PRR16: variants seen among roughly 807,000 people sequenced by gnomAD.
PRR16 encodes proline rich 16.
A neutral mutation model predicts 18.2 loss-of-function variants in PRR16; 6 were observed. That is an observed-to-expected ratio of 0.33 (90% CI 0.18 to 0.65). The LOEUF (loss-of-function observed/expected upper bound fraction) is 0.65, where lower values mean the gene tolerates loss of function less well. Ranked by LOEUF, PRR16 falls within the 30% of genes least tolerant of loss-of-function variation. PRR16 has a pLI of 0.74. For missense variants in PRR16, 412 were observed against 376.6 expected (o/e 1.09, Z -0.78); for synonymous variants, 151 against 147.8 (o/e 1.02, Z -0.16).
At chr5:120,509,084 T>A (rs958379093) in intron 1 of PRR16, among the ~76,000 whole-genome samples, 1 of 152,164 alleles carries the variant, frequency 6.6e-6, no homozygotes, top group Non-Finnish European at 1.5e-5. Flanking sequence ...TGTCTTATGT[T>A]TATGTTGCCT....
chr5:120,657,978 G>T (rs1320815120), intron 1 of PRR16: 1 of 151,898 alleles, frequency 6.6e-6, no homozygotes, highest in Non-Finnish European at 1.5e-5. Context: ...ACCAACCATT[G>T]TTTCTTTGAG....
At chr5:120,791,999 G>A in the PRR16 span, among the ~76,000 whole-genome samples, 1 of 151,908 alleles carries the variant, frequency 6.6e-6, no homozygotes, top group East Asian at 1.9e-4. Context: ...GTTCCTGTGA[G>A]ATGATAGGCA....
chr5:120,633,568 A>G (rs1003960329), intron 1 of PRR16, among the ~76,000 whole-genome samples: 1 of 152,212 alleles, frequency 6.6e-6, no homozygotes, highest in Non-Finnish European at 1.5e-5. Flanking sequence ...GAATAGGAGT[A>G]GTTCTTCTTA....
At chr5:120,695,114 G>A in the PRR16 span, among the ~76,000 whole-genome samples, 2 of 152,022 alleles carry the variant, frequency 1.3e-5, no homozygotes, top group South Asian at 2.1e-4. Flanking sequence ...ATATCATCTG[G>A]CACTATTATT....
At chr5:120,541,055 T>A (rs1751898021) in intron 1 of PRR16, among the ~76,000 whole-genome samples, 1 of 152,222 alleles carries the variant, frequency 6.6e-6, no homozygotes, top group African/African-American at 2.4e-5. Context: ...AGAGGTCTTA[T>A]AATTGATTGC....
intron 1 of PRR16, among the ~76,000 whole-genome samples, chr5:120,577,885 A>T (rs994130385): frequency 6.6e-6 from 1 of 152,212 alleles, no homozygotes; most frequent in African/African-American, 2.4e-5. Flanking sequence ...TGAGGTTACT[A>T]ACTTACTTAA....
At chr5:120,750,951 T>A in the PRR16 span, among the ~76,000 whole-genome samples, 1 of 152,128 alleles carries the variant, frequency 6.6e-6, no homozygotes, top group African/African-American at 2.4e-5. Flanking sequence ...CCCTACCACA[T>A]TTTCCAGCCA....
At chr5:120,528,821 T>TA (rs962226363) in intron 1 of PRR16, among the ~76,000 whole-genome samples, 8 of 152,130 alleles carry the variant, frequency 5.3e-5, no homozygotes, top group Non-Finnish European at 8.8e-5. Flanking sequence ...GGGATGGACA[T>TA]ACTGATGAGG....
At chr5:120,644,394 A>G (rs528200984) in intron 1 of PRR16, among the ~76,000 whole-genome samples, 5 of 149,130 alleles carry the variant, frequency 3.4e-5, no homozygotes, top group African/African-American at 7.4e-5. Context: ...GGAAAATGTC[A>G]AACATTGATA....
In PRR16 at chr5:120,686,781, T is replaced by A; in HGVS notation, c.*72T>A. 8.1e-7 allele frequency: 1 copy of A among 1,234,084 alleles called. No individual in the cohort carries two copies. Among genetic ancestry groups the A allele is most frequent in the Non-Finnish European group, 1.1e-6 (1 of 946,136 alleles). The allele number at this position is 1,234,084 out of a possible 1,614,324, so 76.4% of individuals were successfully genotyped here. On this transcript the variant is annotated 3_prime_UTR_variant, in exon 2 of 2. Coordinates refer to ENST00000407149, the MANE Select transcript of PRR16 (RefSeq NM_001300783.2). Reference sequence around the variant, plus strand: ...CATAAAATAAGTAATGAGCACTTTCTACTCAAGCAATAAAAAGCCCAAATA... The same window carrying A: ...CATAAAATAAGTAATGAGCACTTTCAACTCAAGCAATAAAAAGCCCAAATA...
chr5:120,652,117 G>A (rs1755811429), intron 1 of PRR16, among the ~76,000 whole-genome samples: 1 of 151,996 alleles, frequency 6.6e-6, no homozygotes, highest in Non-Finnish European at 1.5e-5. Context: ...TTGGTTTTGT[G>A]TAGACTTCAT....
At chr5:120,741,304 T>G in the PRR16 span, among the ~76,000 whole-genome samples, 1 of 152,104 alleles carries the variant, frequency 6.6e-6, no homozygotes, top group Non-Finnish European at 1.5e-5. Flanking sequence ...AGTTTCAAAC[T>G]CCTAGGCTTA....
chr5:120,485,481 A>T (rs916750247), intron 1 of PRR16, among the ~76,000 whole-genome samples: 3 of 152,214 alleles, frequency 2.0e-5, no homozygotes, highest in African/African-American at 7.2e-5. Flanking sequence ...GATTATCTAC[A>T]TGTTTACAAC....
chr5:120,720,715 T>C, the PRR16 span, among the ~76,000 whole-genome samples: 1 of 152,086 alleles, frequency 6.6e-6, no homozygotes, highest in Non-Finnish European at 1.5e-5. Flanking sequence ...TTCTGCATTA[T>C]GCAAAATTTT....
the PRR16 span, among the ~76,000 whole-genome samples, chr5:120,788,200 C>A: frequency 6.6e-6 from 1 of 151,892 alleles, no homozygotes; most frequent in Non-Finnish European, 1.5e-5. Flanking sequence ...CTTTCAGATA[C>A]TAATCTCCTT....
At chr5:120,648,665 A>G (rs1319261195) in intron 1 of PRR16, among the ~76,000 whole-genome samples, 1 of 152,168 alleles carries the variant, frequency 6.6e-6, no homozygotes, top group African/African-American at 2.4e-5. Flanking sequence ...AACCAACACT[A>G]AAAGTTTATT....
the PRR16 span, among the ~76,000 whole-genome samples, chr5:120,776,672 AAC>A: frequency 3.9e-5 from 6 of 152,068 alleles, no homozygotes; most frequent in African/African-American, 7.3e-5. Flanking sequence ...TTTATTTCAA[AAC>A]AGAGAGATAA....
chr5:120,654,233 A>C (rs888086121), intron 1 of PRR16, among the ~76,000 whole-genome samples: 1 of 152,022 alleles, frequency 6.6e-6, no homozygotes, highest in Non-Finnish European at 1.5e-5. Flanking sequence ...AGAAGACGCA[A>C]ATTGAATATG....
chr5:120,620,818 C>G (rs1754665281), intron 1 of PRR16, among the ~76,000 whole-genome samples: 1 of 152,062 alleles, frequency 6.6e-6, no homozygotes, highest in Non-Finnish European at 1.5e-5. Flanking sequence ...TCATCCAGCC[C>G]ATAGCTTTAC....
Sources: gnomAD v4.1 joint callset for allele counts (sites outside exome capture counted in the v4.1 genomes callset) on GRCh38, gnomAD v4.1.1 for gene constraint, MANE v1.5 for transcripts, NCBI Gene and HGNC (gene_info 2026-07-23, HGNC 2026-07-21) for gene names.